Variants in GRAP2 observed in about 807,000 individuals in gnomAD.
The protein encoded by GRAP2 is GRB2-related adapter protein 2.
A neutral mutation model predicts 43.5 loss-of-function variants in GRAP2; 31 were observed. The observed-to-expected ratio is 0.71, with a 90% confidence interval of 0.54 to 0.96. The LOEUF is 0.96. Ranked by LOEUF, GRAP2 falls within the 40% of genes least tolerant of loss-of-function variation. The probability of loss-of-function intolerance (pLI) is 0.00; values close to 1 mark genes in which losing one functional copy is unlikely to be tolerated. For synonymous variants in GRAP2, 156 were observed against 164.8 expected, an observed-to-expected ratio of 0.95 and a Z score of 0.41; for missense variants, 371 against 424.4, an observed-to-expected ratio of 0.87 and a Z score of 1.11.
intron 2 of GRAP2, among the ~76,000 whole-genome samples, chr22:39,953,317 T>G (rs1379572095): frequency 6.6e-6 from 1 of 152,090 alleles, no homozygotes; most frequent in Non-Finnish European, 1.5e-5. Context: ...CAGCCCTGCC[T>G]CCTCTCATGT....
At chr22:39,936,950 G>A (rs1326217316) in intron 1 of GRAP2, among the ~76,000 whole-genome samples, 1 of 152,170 alleles carries the variant, frequency 6.6e-6, no homozygotes, top group Non-Finnish European at 1.5e-5. Flanking sequence ...GGAAGGTTGA[G>A]AGGGCCTAAG....
intron 1 of GRAP2, among the ~76,000 whole-genome samples, chr22:39,921,344 A>T (rs2066649987): frequency 6.6e-6 from 1 of 152,252 alleles, no homozygotes; most frequent in Non-Finnish European, 1.5e-5. Context: ...GCATGGGTTC[A>T]TTATGAAAAT....
Position 39,971,402 on chromosome 22 carries a change from CCTTGT to C in GRAP2, c.*323_*327del, listed in dbSNP as rs1361178791. 30 of 326,548 alleles carry C rather than the reference CCTTGT, an allele frequency of 9.2e-5. No individual in the cohort carries two copies. The highest frequency in any genetic ancestry group is 1.4e-4 in the Non-Finnish European group (26 of 180,492). 20.2% of individuals were successfully genotyped at this position (326,548 alleles called of 1,614,324 possible). ...TGGCCTTCAGCTGTCACTGCTTCCT[CCTTGT>C]CTTGGGAATTTTCACGGAGAACAGC... On this transcript the variant is annotated 3_prime_UTR_variant, in exon 8 of 8. Transcript: ENST00000344138.
At chr22:39,961,426 C>T (rs570566303) in intron 4 of GRAP2, among the ~76,000 whole-genome samples, 9 of 152,270 alleles carry the variant, frequency 5.9e-5, no homozygotes, top group African/African-American at 1.9e-4. Flanking sequence ...TGAGCCCCAA[C>T]AAATACATGT....
chr22:39,962,216 G>T, intron 4 of GRAP2, among the ~76,000 whole-genome samples: 1 of 152,166 alleles, frequency 6.6e-6, no homozygotes. Flanking sequence ...TTAAGCCAAG[G>T]AGTTGGAGAC....
At chr22:39,913,662 C>G (rs1418198172) in intron 1 of GRAP2, among the ~76,000 whole-genome samples, 1 of 152,156 alleles carries the variant, frequency 6.6e-6, no homozygotes, top group Non-Finnish European at 1.5e-5. Context: ...AGAAGTAGGC[C>G]AGTGACAGTG....
At chr22:39,938,934 G>GC (rs2066835646) in intron 1 of GRAP2, among the ~76,000 whole-genome samples, 1 of 152,112 alleles carries the variant, frequency 6.6e-6, no homozygotes, top group Non-Finnish European at 1.5e-5. Flanking sequence ...AGCTGCAGAG[G>GC]CCCCCCTCGT....
chr22:39,946,015 G>A (rs539971934), intron 1 of GRAP2, among the ~76,000 whole-genome samples: 34 of 152,124 alleles, frequency 2.2e-4, no homozygotes, highest in South Asian at 1.5e-3. Flanking sequence ...CACGTGCCAC[G>A]GCACCCAGCT....
intron 4 of GRAP2, 127 bp from the exon 5 acceptor site, chr22:39,965,863 G>A: frequency 1.2e-6 from 1 of 817,350 alleles, no homozygotes; most frequent in South Asian, 1.4e-5. Flanking sequence ...CCTGCCCAGT[G>A]ATGAGTGAGT....
chr22:39,933,656 C>T (rs2066778168), intron 1 of GRAP2, among the ~76,000 whole-genome samples: 1 of 151,994 alleles, frequency 6.6e-6, no homozygotes, highest in East Asian at 1.9e-4. Flanking sequence ...GCCTGGCCAA[C>T]ATGGTGAAAC....
intron 1 of GRAP2, among the ~76,000 whole-genome samples, chr22:39,938,523 A>G (rs2145619596): frequency 6.6e-6 from 1 of 152,338 alleles, no homozygotes; most frequent in South Asian, 2.1e-4. Context: ...GGAAACCCCA[A>G]GAAGCCAGCC....
intron 1 of GRAP2, among the ~76,000 whole-genome samples, chr22:39,944,782 A>C (rs2066905334): frequency 6.6e-6 from 1 of 152,210 alleles, no homozygotes. Flanking sequence ...TCCCCAAATC[A>C]AGGTCTTATC....
At chr22:39,916,205 G>A (rs1384237449) in intron 1 of GRAP2, among the ~76,000 whole-genome samples, 1 of 152,266 alleles carries the variant, frequency 6.6e-6, no homozygotes, top group East Asian at 1.9e-4. Flanking sequence ...GAAGGCAGCG[G>A]TGGTCCTGGC....
At chr22:39,961,484 C>T (rs950903085) in intron 4 of GRAP2, among the ~76,000 whole-genome samples, 2 of 152,198 alleles carry the variant, frequency 1.3e-5, no homozygotes, top group Admixed American at 6.5e-5. Context: ...CAACACAGTA[C>T]AGTACAGCAA....
At chr22:39,922,744 A>G (rs191819498) in intron 1 of GRAP2, among the ~76,000 whole-genome samples, 1 of 152,184 alleles carries the variant, frequency 6.6e-6, no homozygotes, top group African/African-American at 2.4e-5. Flanking sequence ...GATGGAAATC[A>G]ATTTCAGGTA....
chr22:39,899,047 G>A (rs2066476460), upstream of GRAP2, among the ~76,000 whole-genome samples: 1 of 152,094 alleles, frequency 6.6e-6, no homozygotes, highest in African/African-American at 2.4e-5. Context: ...TCACATTAGG[G>A]TCTTTATTCT....
At chr22:39,964,670 TAA>T in intron 4 of GRAP2, 1 of 568,996 alleles carries the variant, frequency 1.8e-6, no homozygotes, top group South Asian at 2.4e-5. Flanking sequence ...TAGTTGGAAT[TAA>T]GTGTCGTCTT....
intron 3 of GRAP2, among the ~76,000 whole-genome samples, chr22:39,958,725 G>A (rs1403794257): frequency 1.3e-5 from 2 of 152,100 alleles, no homozygotes; most frequent in Non-Finnish European, 2.9e-5. Flanking sequence ...TGTTTCCTTT[G>A]CGATATGGCT....
intron 4 of GRAP2, among the ~76,000 whole-genome samples, chr22:39,965,784 C>T (rs1184577990): frequency 6.6e-6 from 1 of 152,228 alleles, no homozygotes; most frequent in Non-Finnish European, 1.5e-5. Context: ...TAAATCCCGT[C>T]TAGCATAGCC....
Sources: gnomAD v4.1 joint callset for allele counts (sites outside exome capture counted in the v4.1 genomes callset) on GRCh38, gnomAD v4.1.1 for gene constraint, MANE v1.5 for transcripts, NCBI Gene and HGNC (gene_info 2026-07-23, HGNC 2026-07-21) for gene names.